The following SCAI variants were observed in gnomAD, a reference collection of about 807,000 sequenced individuals.
SCAI encodes protein SCAI.
SCAI carries 24 observed loss-of-function variants against 92.2 expected under a neutral mutation model. The ratio of observed to expected loss-of-function variants is 0.26; its 90% CI spans 0.19 to 0.37. SCAI has a LOEUF of 0.37. SCAI is among the 10% of genes least tolerant of loss of function. SCAI has a pLI of 1.00. For missense variants in SCAI, 450 were observed against 736.2 expected, an observed-to-expected ratio of 0.61 and a Z score of 4.50; for synonymous variants, 261 against 258.6, an observed-to-expected ratio of 1.01 and a Z score of -0.09.
intron 2 of SCAI, among the ~76,000 whole-genome samples, chr9:125,080,425 CT>C (rs1400754504): frequency 6.6e-6 from 1 of 152,138 alleles, no homozygotes; most frequent in Non-Finnish European, 1.5e-5. Flanking sequence ...CCTACCTTTC[CT>C]TTTCCTTAAA....
At chr9:125,142,555 A>G in intron 2 of SCAI, 78 bp downstream of exon 2, 1 of 1,006,298 alleles carries the variant, frequency 9.9e-7, no homozygotes, top group South Asian at 1.3e-5. Context: ...TACTGACAGT[A>G]TACAATTATG....
chr9:125,116,453 T>TA (rs1378981877), intron 2 of SCAI, among the ~76,000 whole-genome samples: 1 of 152,000 alleles, frequency 6.6e-6, no homozygotes, highest in Non-Finnish European at 1.5e-5. Flanking sequence ...CTTTTTTATT[T>TA]AAAAAATAAG....
intron 2 of SCAI, among the ~76,000 whole-genome samples, chr9:125,121,291 C>G (rs943514770): frequency 4.7e-5 from 7 of 147,890 alleles, no homozygotes; most frequent in South Asian, 4.4e-4. Flanking sequence ...AGATGACATA[C>G]GAGATGCTGG....
intron 3 of SCAI, among the ~76,000 whole-genome samples, chr9:125,045,096 G>A (rs997815239): frequency 2.0e-5 from 3 of 152,202 alleles, no homozygotes; most frequent in Non-Finnish European, 2.9e-5. Context: ...CTGCCAGGCT[G>A]AGTAGCGGGA....
intron 3 of SCAI, among the ~76,000 whole-genome samples, chr9:125,046,212 T>TATATATATATATAG (rs1389074868): frequency 4.7e-5 from 6 of 128,324 alleles, no homozygotes; most frequent in African/African-American, 1.7e-4. Flanking sequence ...TATATATATA[T>TATATATATATATAG]ATATATATAT....
intron 13 of SCAI, among the ~76,000 whole-genome samples, chr9:124,995,401 T>C (rs891993598): frequency 6.6e-6 from 1 of 152,206 alleles, no homozygotes; most frequent in African/African-American, 2.4e-5. Context: ...TCAATGAGTC[T>C]TCAAAATTTC....
chr9:125,138,500 T>C (rs1390131600), intron 2 of SCAI, among the ~76,000 whole-genome samples: 1 of 151,994 alleles, frequency 6.6e-6, no homozygotes, highest in Admixed American at 6.6e-5. Flanking sequence ...CTGCAAGCTT[T>C]GCCTCCCGGG....
In SCAI at chr9:124,947,235, C is replaced by T. The variant is rs1831159761; in HGVS notation, c.*5572G>A. ...AAGCCCCAATATACATAATTTACTA[C>T]TCAGTAATAATACTTAAATATGGAT... On this transcript the variant is annotated 3_prime_UTR_variant, in exon 18 of 18. Coordinates refer to ENST00000336505, the MANE Select transcript of SCAI (RefSeq NM_001144877.3). 1 of 152,100 alleles carries T rather than the reference C, an allele frequency of 6.6e-6. No homozygotes were observed. The allele number at this position is 152,100 out of a possible 1,614,324, so 9.4% of individuals were successfully genotyped here. A position where few individuals can be genotyped will look rare whatever the true frequency, so the allele number is the denominator to read the frequency against.
At chr9:125,052,389 G>C (rs1833577570) in intron 3 of SCAI, among the ~76,000 whole-genome samples, 1 of 152,150 alleles carries the variant, frequency 6.6e-6, no homozygotes, top group South Asian at 2.1e-4. Flanking sequence ...TGGCCAACAT[G>C]GTGAAATCCC....
intron 2 of SCAI, among the ~76,000 whole-genome samples, chr9:125,078,878 TG>T (rs1834150673): frequency 6.6e-6 from 1 of 152,170 alleles, no homozygotes; most frequent in Non-Finnish European, 1.5e-5. Context: ...TACTCCAGCC[TG>T]GGGGATAGAC....
At chr9:125,037,008 C>G (rs1833210766) in intron 3 of SCAI, among the ~76,000 whole-genome samples, 1 of 152,084 alleles carries the variant, frequency 6.6e-6, no homozygotes, top group Non-Finnish European at 1.5e-5. Context: ...GTGGCTCACG[C>G]CTGTAATCCC....
intron 2 of SCAI, among the ~76,000 whole-genome samples, chr9:125,108,986 T>C (rs1157756614): frequency 1.3e-5 from 2 of 152,068 alleles, no homozygotes; most frequent in Non-Finnish European, 2.9e-5. Context: ...GAAGTAGACA[T>C]AGGAGACTCC....
At position 125,029,733 on chromosome 9, in the gene SCAI, C is replaced by A; in HGVS notation, c.237G>T (p.Leu79Phe). ...GCCACTGCTTCTGTCCATATTGTGG[C>A]AAATCTCTGTAATAGTAAATGAGTA... ...SKQLFNGLRD[L>F]PQYGQKQWQS... Residue 79 changes from leucine (L) to phenylalanine (F), a missense_variant, in exon 4 of 18, where the codon TTG (leucine) becomes TTT (phenylalanine). Physicochemically the swap from Leu to Phe is conservative, Grantham distance 22. Around this residue, in one of 3 missense-constraint regions of SCAI, gnomAD observed 20 missense variants for 68.2 expected, o/e 0.29. Transcript: ENST00000336505. The A allele has an allele frequency of 6.3e-7, 1 of 1,597,920 alleles. No individual in the cohort carries two copies. Among genetic ancestry groups the A allele is most frequent in the Non-Finnish European group, 8.6e-7 (1 of 1,167,268 alleles).
intron 14 of SCAI, among the ~76,000 whole-genome samples, chr9:124,977,030 G>A (rs1424537646): frequency 2.0e-5 from 3 of 151,558 alleles, no homozygotes; most frequent in Non-Finnish European, 4.4e-5. Context: ...CACCACACCT[G>A]GCTAATTTTT....
rs527290959 is a variant in SCAI, at chr9:124,945,212, A to T, written c.*7595T>A. On this transcript the variant is annotated 3_prime_UTR_variant, in exon 18 of 18. Coordinates refer to ENST00000336505, the MANE Select transcript of SCAI (RefSeq NM_001144877.3). The stretch of plus-strand genomic sequence containing the variant: ...TTAAAAAAACTGAGTCTATTGTCCA[A>T]GTATGTTTAAACATGGCACTGGTTA... The T allele has an allele frequency of 6.6e-6, 1 of 152,318 alleles. No individual in the cohort carries two copies. The highest frequency in any genetic ancestry group is 2.1e-4 in the South Asian group (1 of 4,822). The allele number at this position is 152,318 out of a possible 1,614,324, so 9.4% of individuals were successfully genotyped here. A position where few individuals can be genotyped will look rare whatever the true frequency, so the allele number is the denominator to read the frequency against.
At chr9:125,139,853 C>T (rs987291777) in intron 2 of SCAI, among the ~76,000 whole-genome samples, 8 of 152,056 alleles carry the variant, frequency 5.3e-5, no homozygotes, top group African/African-American at 9.7e-5. Flanking sequence ...GAGAGCTATC[C>T]AAAAGAAATA....
intron 9 of SCAI, among the ~76,000 whole-genome samples, chr9:125,009,340 G>T (rs1832580857): frequency 6.6e-6 from 1 of 152,156 alleles, no homozygotes; most frequent in Admixed American, 6.5e-5. Context: ...TGCAATCTGG[G>T]CTCACTGCAG....
At chr9:125,006,676 G>C (rs1012845941) in intron 9 of SCAI, among the ~76,000 whole-genome samples, 45 of 152,094 alleles carry the variant, frequency 3.0e-4, no homozygotes, top group Non-Finnish European at 4.4e-5. Flanking sequence ...ATTTTTAGTA[G>C]AGATGGGGTT....
intron 2 of SCAI, among the ~76,000 whole-genome samples, chr9:125,066,467 T>TATTTATTTA (rs34572480): frequency 6.6e-6 from 1 of 151,280 alleles, no homozygotes; most frequent in African/African-American, 2.4e-5. Flanking sequence ...TTTATTTATT[T>TATTTATTTA]TTTTTTGAGA....
Sources: gnomAD v4.1 joint callset for allele counts (sites outside exome capture counted in the v4.1 genomes callset) on GRCh38, gnomAD v4.1.1 for gene constraint, gnomAD v4.1.1 regional missense constraint, MANE v1.5 for transcripts, NCBI Gene and HGNC (gene_info 2026-07-23, HGNC 2026-07-21) for gene names.